Variants in ZWILCH observed in about 807,000 individuals in gnomAD.
The protein encoded by ZWILCH is protein zwilch homolog.
ZWILCH carries 74 observed loss-of-function variants against 79.9 expected under a neutral mutation model. The ratio of observed to expected loss-of-function variants is 0.93; its 90% CI spans 0.77 to 1.12. The LOEUF (loss-of-function observed/expected upper bound fraction) is 1.12. Ranked by LOEUF, ZWILCH falls within the 50% of genes most tolerant of loss-of-function variation. The pLI, the probability that ZWILCH is intolerant of heterozygous loss-of-function variation, is 0.00. For missense variants in ZWILCH, 694 were observed against 687.5 expected, an observed-to-expected ratio of 1.01 and a Z score of -0.11; for synonymous variants, 241 against 228.2, an observed-to-expected ratio of 1.06 and a Z score of -0.51.
intron 17 of ZWILCH, 41 bp from the exon 18 acceptor site, chr15:66,546,550 G>C (rs1323365034): frequency 1.4e-6 from 2 of 1,389,096 alleles, no homozygotes; most frequent in Non-Finnish European, 2.0e-6. Flanking sequence ...AGAAAAGCAG[G>C]GTGTTAAGCA....
At chr15:66,530,480 C>A (rs1894821760) in intron 12 of ZWILCH, among the ~76,000 whole-genome samples, 1 of 151,856 alleles carries the variant, frequency 6.6e-6, no homozygotes, top group African/African-American at 2.4e-5. Flanking sequence ...TACTGAAAAT[C>A]AAAAAAATTA....
At chr15:66,546,741 A>G in intron 18 of ZWILCH, 36 bp downstream of exon 18, 2 of 1,198,810 alleles carry the variant, frequency 1.7e-6, no homozygotes, top group South Asian at 3.0e-5. Flanking sequence ...TTTGTCAAAT[A>G]CTTTGTAATA....
In ZWILCH at chr15:66,528,861, C is replaced by G; in HGVS notation, c.979C>G (p.His327Asp). 1 of 1,613,694 alleles carries G rather than the reference C, an allele frequency of 6.2e-7. No homozygotes were observed. The highest frequency in any genetic ancestry group is 1.3e-5 in the African/African-American group (1 of 75,022). ...GTTGCTTCTTTTTCAGACCTTGAAGCATGACACTGCTGCAGTCGATCGTTC... is the reference window on the plus strand; with the variant it reads ...GTTGCTTCTTTTTCAGACCTTGAAGGATGACACTGCTGCAGTCGATCGTTC... ...KKDTEVETLK[H>D]DTAAVDRSVK... The change falls in exon 11 of 19, where the codon CAT becomes GAT. Residue 327 changes from histidine to aspartate, a missense_variant. Physicochemically the swap from His to Asp is moderately conservative, Grantham distance 81. Transcript: ENST00000307897.
At chr15:66,529,082 T>A in intron 11 of ZWILCH, 125 bp downstream of exon 11, 1 of 690,000 alleles carries the variant, frequency 1.4e-6, no homozygotes, top group Non-Finnish European at 2.5e-6. Context: ...TTTATCTAAT[T>A]CATTTCTAAT....
intron 7 of ZWILCH, chr15:66,523,236 G>A (rs1379820336): frequency 6.4e-6 from 1 of 155,172 alleles, no homozygotes; most frequent in East Asian, 1.9e-4. Context: ...TTGACCTCTG[G>A]CTAGGACAGC....
Position 66,515,612 on chromosome 15 carries a change from T to G in ZWILCH, c.288T>G (p.Val96=), listed in dbSNP as rs760512584. 4 of 1,613,894 alleles carry G rather than the reference T, an allele frequency of 2.5e-6. No individual in the cohort carries two copies. In the Admixed American group the frequency reaches 5.0e-5, roughly 20 times the overall value. ...CTGATTTCTCTACTGGCGAAAATGT[T>G]GGACCACTTGCTTTACCAGTTGGGA... The part of the protein sequence containing the change: ...AISDFSTGEN[V]GPLALPVGKA... The change falls in exon 4 of 19, where the codon GTT becomes GTG. Residue 96 remains valine, a synonymous_variant. Transcript: ENST00000307897.
chr15:66,518,892 C>A lies in ZWILCH; in HGVS notation c.334C>A (p.Leu112Ile). 1.2e-6 allele frequency: 2 copies of A among 1,614,144 alleles called. No individual in the cohort carries two copies. The highest frequency in any genetic ancestry group is 1.7e-6 in the Non-Finnish European group (2 of 1,179,982). The change falls in exon 5 of 19, where the codon CTT becomes ATT. Residue 112 changes from leucine to isoleucine, a missense_variant. By Grantham distance (5) the Leu-to-Ile change is conservative (BLOSUM62 2). Coordinates refer to ENST00000307897, the MANE Select transcript of ZWILCH (RefSeq NM_017975.5). Reference protein sequence around the residue: ...PVGKARQLIGLYTMAHNPNMT... With the variant: ...PVGKARQLIGIYTMAHNPNMT... ...CTTGTTTTAAAGGCAGTTAATTGGA[C>A]TTTACACCATGGCTCACAATCCTAA... is the stretch of plus-strand genomic sequence containing the variant.
intron 12 of ZWILCH, among the ~76,000 whole-genome samples, chr15:66,531,658 T>C (rs1894856361): frequency 6.9e-6 from 1 of 145,304 alleles, no homozygotes; most frequent in Non-Finnish European, 1.5e-5. Context: ...GGTTTCACCA[T>C]GTTGTCCAGG....
Position 66,532,372 on chromosome 15 carries a change from A to ACT in ZWILCH, c.1282_1283dup (p.Lys429Ter). The ACT allele has an allele frequency of 6.2e-7, 1 of 1,609,226 alleles. No homozygotes were observed. ...TGCTTTTGGAAATTGGTTTGGACAA[A>ACT]CTAAAGAAAGATTATATCAGTTTTT... On this transcript the variant is annotated frameshift_variant, in exon 13 of 19. Transcript: ENST00000307897. LOFTEE classifies it high-confidence loss of function.
At chr15:66,528,051 T>C (rs894864221) in intron 10 of ZWILCH, 139 bp downstream of exon 10, 1 of 512,636 alleles carries the variant, frequency 2.0e-6, no homozygotes, top group Non-Finnish European at 3.4e-6. Flanking sequence ...TGTTGATCTT[T>C]ATTGTCAGCA....
chr15:66,519,119 A>G lies in ZWILCH; in HGVS notation c.520+41A>G, dbSNP rs558661225. ...AGAGAGTGTGTGTGTGTATTTATTCATTTGTATAGTTATTGTTTCATGTTT... is the reference window on the plus strand; with the variant it reads ...AGAGAGTGTGTGTGTGTATTTATTCGTTTGTATAGTTATTGTTTCATGTTT... On this transcript the variant is annotated intron_variant, in intron 5 of 18. Transcript: ENST00000307897. 2.5e-6 allele frequency: 4 copies of G among 1,574,716 alleles called. No individual in the cohort carries two copies. In the African/African-American group the frequency reaches 4.0e-5, roughly 16 times the overall value.
chr15:66,522,588 A>T (rs993400651), intron 7 of ZWILCH, among the ~76,000 whole-genome samples: 29 of 151,896 alleles, frequency 1.9e-4, no homozygotes, highest in African/African-American at 6.8e-4. Flanking sequence ...GATTACAGGC[A>T]TGAGCCACCA....
intron 4 of ZWILCH, among the ~76,000 whole-genome samples, chr15:66,517,430 G>GTGTGTGTATGTATATA: frequency 4.5e-5 from 3 of 66,526 alleles, no homozygotes; most frequent in African/African-American, 1.2e-4. Context: ...GTGTGTGTGT[G>GTGTGTGTATGTATATA]TATATATATA....
chr15:66,519,578 G>T (rs1449805318), intron 5 of ZWILCH, among the ~76,000 whole-genome samples: 1 of 151,874 alleles, frequency 6.6e-6, no homozygotes, highest in African/African-American at 2.4e-5. Flanking sequence ...CTCAGCTTCC[G>T]GAGTAGCTGG....
chr15:66,538,126 T>A (rs1595920950), intron 16 of ZWILCH, among the ~76,000 whole-genome samples: 1 of 152,208 alleles, frequency 6.6e-6, no homozygotes, highest in East Asian at 1.9e-4. Context: ...TTGCCTCCAA[T>A]GAGGGTCTCC....
At chr15:66,508,925 A>T in intron 2 of ZWILCH, 33 bp downstream of exon 2, 10 of 1,607,218 alleles carry the variant, frequency 6.2e-6, no homozygotes, top group Non-Finnish European at 7.7e-6. Context: ...ACACAACTCT[A>T]ATCCTAAAAT....
rs1264396264 is a variant in ZWILCH, at chr15:66,509,870, TCTCTTAAAAATCA to T, written c.105+979_105+991del. ...ATATATATATATATATATATATATA[TCTCTTAAAAATCA>T]ATGAGGAAGATGGCTGGGCACGATG... On this transcript the variant is annotated intron_variant, in intron 2 of 18. Coordinates refer to ENST00000307897, the MANE Select transcript of ZWILCH (RefSeq NM_017975.5). 6.2e-4 allele frequency among the ~76,000 whole-genome samples: 62 copies of T among 100,558 alleles called. 2 individuals carry two copies. The highest frequency in any genetic ancestry group is 2.4e-3 in the African/African-American group (61 of 25,730). 66.0% of individuals were successfully genotyped at this position (100,558 alleles called of 152,430 possible).
At position 66,533,016 on chromosome 15, in the gene ZWILCH, G is replaced by A. The variant is rs769030097; in HGVS notation, c.1341+3G>A. ...AACTTGCATCTTTGAATCATTTGGT[G>A]AGTTTATTTTTTTATTCTAAAATTG... On this transcript the variant is annotated splice_donor_region_variant and intron_variant, in intron 14 of 18. Transcript: ENST00000307897. 3 of 1,576,234 alleles carry A rather than the reference G, an allele frequency of 1.9e-6. No individual in the cohort carries two copies. The highest frequency in any genetic ancestry group is 1.3e-5 in the African/African-American group (1 of 74,118).
chr15:66,521,079 G>A lies in ZWILCH; in HGVS notation c.621G>A (p.Glu207=). 5 of 1,614,138 alleles carry A rather than the reference G, an allele frequency of 3.1e-6. No individual in the cohort carries two copies. The highest frequency in any genetic ancestry group is 4.2e-6 in the Non-Finnish European group (5 of 1,180,032). ...CATCCAAAGGCTTTGCCCAGTATGA[G>A]CTCTTTAAGTCCTCTGCCTTGGATG... The part of the protein sequence containing the change: ...TVTSKGFAQY[E]LFKSSALDDT... The change falls in exon 7 of 19, where the codon GAG becomes GAA. Residue 207 remains glutamate, a synonymous_variant. Coordinates refer to ENST00000307897, the MANE Select transcript of ZWILCH (RefSeq NM_017975.5).
Sources: gnomAD v4.1 joint callset for allele counts (sites outside exome capture counted in the v4.1 genomes callset) on GRCh38, gnomAD v4.1.1 for gene constraint, MANE v1.5 for transcripts, NCBI Gene and HGNC (gene_info 2026-07-23, HGNC 2026-07-21) for gene names.